CACNA1C: variants seen among roughly 807,000 people sequenced by gnomAD.
CACNA1C encodes calcium voltage-gated channel subunit alpha1 C.
CACNA1C carries 30 observed loss-of-function variants against 229.0 expected under a neutral mutation model. The observed-to-expected ratio is 0.13, with a 90% CI of 0.10 to 0.18. The LOEUF (loss-of-function observed/expected upper bound fraction) is 0.18. Among genes scored for constraint, CACNA1C ranks in the 10% least tolerant of loss-of-function variants. The pLI is 1.00. For missense variants in CACNA1C, 1,658 were observed against 2,845.0 expected, an observed-to-expected ratio of 0.58 and a Z score of 9.49; for synonymous variants, 1,114 against 1,132.5, an observed-to-expected ratio of 0.98 and a Z score of 0.33.
At chr12:1,977,255 T>C (rs2034676630) in intron 1 of CACNA1C, among the ~76,000 whole-genome samples, 1 of 152,136 alleles carries the variant, frequency 6.6e-6, no homozygotes, top group Non-Finnish European at 1.5e-5. Flanking sequence ...ACAGATCTGT[T>C]AGCATGCTCG....
In CACNA1C at chr12:2,564,239, A is replaced by G. The variant is rs568204756; in HGVS notation, c.1509-2183A>G. ...TCCTTACGATATGATACGCACTGTG[A>G]TATTTTCCACTCTATTCCTTTATTC... is the stretch of plus-strand genomic sequence containing the variant. On this transcript the variant is annotated intron_variant, in intron 11 of 46. Transcript: ENST00000399655. 3.3e-5 allele frequency among the ~76,000 whole-genome samples: 5 copies of G among 152,268 alleles called. No individual in the cohort carries two copies. The South Asian group carries it at 8.3e-4, about 25-fold the overall frequency.
At chr12:1,984,745 CT>C (rs1481055243) in intron 1 of CACNA1C, among the ~76,000 whole-genome samples, 1 of 78,656 alleles carries the variant, frequency 1.3e-5, no homozygotes, top group Non-Finnish European at 2.4e-5. Context: ...TGAAGAATTT[CT>C]TTTAGCATTT....
At chr12:2,333,643 CG>C (rs1555451615) in intron 3 of CACNA1C, among the ~76,000 whole-genome samples, 1 of 152,106 alleles carries the variant, frequency 6.6e-6, no homozygotes, top group Non-Finnish European at 1.5e-5. Flanking sequence ...CCTCACAAGG[CG>C]TAACGACAGG....
At chr12:1,997,788 T>C in intron 1 of CACNA1C, 1 of 675,906 alleles carries the variant, frequency 1.5e-6, no homozygotes, top group Middle Eastern at 3.9e-4. Context: ...ATTCCCTTCT[T>C]CGTGTCAACT....
intron 1 of CACNA1C, among the ~76,000 whole-genome samples, chr12:2,103,619 G>GC (rs2077186510): frequency 6.6e-6 from 1 of 152,124 alleles, no homozygotes; most frequent in Non-Finnish European, 1.5e-5. Flanking sequence ...TGTTGCCATT[G>GC]CTTTTGGTGT....
chr12:1,975,221 CA>C (rs1349700235), intron 1 of CACNA1C, among the ~76,000 whole-genome samples: 1 of 152,028 alleles, frequency 6.6e-6, no homozygotes, highest in Non-Finnish European at 1.5e-5. Flanking sequence ...TATGTTTAAA[CA>C]GTTAAATTGT....
chr12:2,350,182 G>C (rs1296845023), intron 3 of CACNA1C, among the ~76,000 whole-genome samples: 1 of 152,142 alleles, frequency 6.6e-6, no homozygotes, highest in African/African-American at 2.4e-5. Flanking sequence ...TGTGAGACCA[G>C]AGACCCCACC....
chr12:2,471,752 G>C (rs1171950258), intron 5 of CACNA1C, among the ~76,000 whole-genome samples: 3 of 151,878 alleles, frequency 2.0e-5, no homozygotes, highest in African/African-American at 4.8e-5. Context: ...GCACAATCTT[G>C]GCTCACTGTA....
intron 3 of CACNA1C, among the ~76,000 whole-genome samples, chr12:2,304,026 T>C (rs913674567): frequency 5.9e-5 from 9 of 152,126 alleles, no homozygotes; most frequent in Non-Finnish European, 8.8e-5. Context: ...CCTGCCTCTT[T>C]CCTGGTGAGA....
At chr12:2,385,595 G>C (rs1249357481) in intron 3 of CACNA1C, among the ~76,000 whole-genome samples, 1 of 151,956 alleles carries the variant, frequency 6.6e-6, no homozygotes, top group African/African-American at 2.4e-5. Flanking sequence ...GTCTCTTGAC[G>C]GGTCCCCCTG....
At chr12:2,529,414 G>A (rs1174171810) in intron 9 of CACNA1C, among the ~76,000 whole-genome samples, 4 of 152,206 alleles carry the variant, frequency 2.6e-5, no homozygotes, top group Non-Finnish European at 5.9e-5. Flanking sequence ...CTGCTGGGTA[G>A]TACATCTTGA....
At chr12:2,075,034 C>T (rs2062696991) in intron 1 of CACNA1C, among the ~76,000 whole-genome samples, 2 of 152,238 alleles carry the variant, frequency 1.3e-5, no homozygotes, top group Admixed American at 6.5e-5. Flanking sequence ...GGGCCATTTA[C>T]TTAACATAAA....
intron 3 of CACNA1C, among the ~76,000 whole-genome samples, chr12:2,387,090 T>C (rs918376230): frequency 6.6e-6 from 1 of 152,236 alleles, no homozygotes; most frequent in South Asian, 2.1e-4. Flanking sequence ...TTCAATAACA[T>C]GCCAACATTA....
At chr12:2,661,359 AAAG>A (rs1313459001) in intron 34 of CACNA1C, among the ~76,000 whole-genome samples, 2 of 152,102 alleles carry the variant, frequency 1.3e-5, no homozygotes, top group Non-Finnish European at 2.9e-5. Context: ...AGACTTTTAA[AAAG>A]AAGACAGAGA....
chr12:2,634,211 T>A, intron 29 of CACNA1C, 86 bp from the exon 30 acceptor site: 6 of 305,410 alleles, frequency 2.0e-5, no homozygotes, highest in Non-Finnish European at 3.4e-5. Flanking sequence ...TTTTTTTTTT[T>A]CATTTTTCCT....
chr12:2,389,952 C>T (rs1422256842), intron 3 of CACNA1C, among the ~76,000 whole-genome samples: 2 of 152,192 alleles, frequency 1.3e-5, no homozygotes, highest in Non-Finnish European at 2.9e-5. Context: ...CCTGGAATGC[C>T]CTCTACTCCC....
chr12:2,626,566 A>G (rs2086693067), intron 29 of CACNA1C, among the ~76,000 whole-genome samples: 1 of 152,186 alleles, frequency 6.6e-6, no homozygotes, highest in African/African-American at 2.4e-5. Context: ...GCCTGTGTGC[A>G]TGGCCATGTG....
intron 30 of CACNA1C, among the ~76,000 whole-genome samples, chr12:2,634,857 C>T (rs1193523307): frequency 6.6e-6 from 1 of 152,138 alleles, no homozygotes; most frequent in African/African-American, 2.4e-5. Context: ...GTGGAACACC[C>T]TGAGATAAGG....
chr12:2,600,781 C>A (rs2071647971), intron 21 of CACNA1C, among the ~76,000 whole-genome samples: 1 of 152,186 alleles, frequency 6.6e-6, no homozygotes, highest in Non-Finnish European at 1.5e-5. Context: ...AGTTTCCTCA[C>A]CTTTTGATGA....
Sources: gnomAD v4.1 joint callset for allele counts (sites outside exome capture counted in the v4.1 genomes callset) on GRCh38, gnomAD v4.1.1 for gene constraint, MANE v1.5 for transcripts, NCBI Gene and HGNC (gene_info 2026-07-23, HGNC 2026-07-21) for gene names.